The following DDX20 variants were observed in gnomAD, a reference collection of about 807,000 sequenced individuals.
DDX20 encodes the protein probable ATP-dependent RNA helicase DDX20.
In DDX20, 61 loss-of-function variants were observed where a neutral mutation model predicts 76.4. That is an observed-to-expected ratio of 0.80 (90% confidence interval 0.65 to 0.99). The LOEUF (loss-of-function observed/expected upper bound fraction) is 0.99, where lower values mean the gene tolerates loss of function less well. Among genes scored for constraint, DDX20 ranks in the 50% least tolerant of loss-of-function variants. DDX20 has a pLI of 0.00. For synonymous variants in DDX20, 357 were observed against 357.4 expected, an observed-to-expected ratio of 1.00 and a Z score of 0.01; for missense variants, 976 against 996.8, an observed-to-expected ratio of 0.98 and a Z score of 0.28.
chr1:111,766,061 TGAA>T lies in DDX20; in HGVS notation c.1641_1643del (p.Lys547del). The T allele has an allele frequency of 6.2e-7, 1 of 1,614,090 alleles. No individual in the cohort carries two copies. Among genetic ancestry groups the T allele is most frequent in the Non-Finnish European group, 8.5e-7 (1 of 1,180,014 alleles). On this transcript the variant is annotated inframe_deletion, in exon 11 of 11. Transcript: ENST00000369702. The stretch of plus-strand genomic sequence containing the variant: ...TGTGACAGGCAATCCGAAGAGCAAA[TGAA>T]GAATTCTGTTCAGACTCCCGTTGAA...
chr1:111,762,592 A>G (rs2101421866), intron 8 of DDX20, 85 bp from the exon 9 acceptor site: 1 of 1,196,100 alleles, frequency 8.4e-7, no homozygotes, highest in Middle Eastern at 1.9e-4. Flanking sequence ...TTGTCTCTTG[A>G]CTGTACTGGA....
At chr1:111,759,750 G>A (rs201026120) in intron 3 of DDX20, among the ~76,000 whole-genome samples, 182 bp downstream of exon 3, 5 of 151,968 alleles carry the variant, frequency 3.3e-5, no homozygotes, top group East Asian at 1.9e-4. Context: ...CGAGGCGGGC[G>A]GATCACGAGG....
In DDX20 at chr1:111,761,105, C is replaced by T; in HGVS notation, c.942C>T (p.Val314=). 1 of 1,613,448 alleles carries T rather than the reference C, an allele frequency of 6.2e-7. No individual in the cohort carries two copies. Among genetic ancestry groups the T allele is most frequent in the South Asian group, 1.1e-5 (1 of 90,874 alleles). ...GAATTCCATTTAATCAAGCTTTAGT[C>T]TTTTCTAATTTGCACAGCAGGTAAT... The part of the protein sequence containing the change: ...FSRIPFNQAL[V]FSNLHSRAQH... The change falls in exon 6 of 11, where the codon GTC becomes GTT. Residue 314 remains valine, a synonymous_variant. Transcript: ENST00000369702.
Position 111,756,191 on chromosome 1 carries a change from G to C in DDX20, c.267G>C (p.Gln89His), listed in dbSNP as rs756081950. The change falls in exon 1 of 11, where the codon CAG (glutamine) becomes CAC (histidine). Residue 89 changes from glutamine (Q) to histidine (H), a missense_variant. Gln to His is a conservative substitution (Grantham distance 24). Around this residue, in one of 3 missense-constraint regions of DDX20, gnomAD observed 343 missense variants for 286.4 expected, o/e 1.20. Transcript: ENST00000369702. ...GCTTCGAGAGGCCCTCGCCGGTGCAGCTCAAGGCCATCCCGTTGGGGCGCT... is the reference window on the plus strand; with the variant it reads ...GCTTCGAGAGGCCCTCGCCGGTGCACCTCAAGGCCATCCCGTTGGGGCGCT... Reference protein sequence around the residue: ...AAGFERPSPVQLKAIPLGRCG... With the variant: ...AAGFERPSPVHLKAIPLGRCG... 7 of 1,503,074 alleles carry C rather than the reference G, an allele frequency of 4.7e-6. No homozygotes were observed. In the Admixed American group the frequency reaches 1.4e-4, roughly 31 times the overall value. The allele number at this position is 1,503,074 out of a possible 1,614,324, so 93.1% of individuals were successfully genotyped here. A position where few individuals can be genotyped will look rare whatever the true frequency, so the allele number is the denominator to read the frequency against.
In DDX20 at chr1:111,760,770, T is replaced by C. The variant is rs770465132; in HGVS notation, c.745T>C (p.Phe249Leu). The C allele has an allele frequency of 3.7e-6, 6 of 1,613,798 alleles. No individual in the cohort carries two copies. The South Asian group carries it at 6.6e-5, about 18-fold the overall frequency. The change falls in exon 5 of 11, where the codon TTT becomes CTT. Residue 249 changes from phenylalanine (F) to leucine (L), a missense_variant. Transcript: ENST00000369702. ...MLAVSATYPEFLANALTKYMR... is the reference protein window; with the variant it reads ...MLAVSATYPELLANALTKYMR... ...GGCAGTATCAGCTACTTATCCCGAA[T>C]TTTTGGCTAATGCTTTGACAAAGTA... is the stretch of plus-strand genomic sequence containing the variant.
intron 3 of DDX20, among the ~76,000 whole-genome samples, chr1:111,760,213 A>T (rs1035959331): frequency 2.0e-5 from 3 of 152,172 alleles, no homozygotes; most frequent in African/African-American, 7.2e-5. Flanking sequence ...CAGAATCAGC[A>T]TCTTGCATTC....
chr1:111,756,814 C>A, intron 2 of DDX20, 74 bp downstream of exon 2: 1 of 1,220,578 alleles, frequency 8.2e-7, no homozygotes, highest in Middle Eastern at 1.9e-4. Flanking sequence ...ATACCAGTAG[C>A]TCCTCAGAGC....
chr1:111,763,319 C>T (rs1211355168), intron 10 of DDX20, among the ~76,000 whole-genome samples: 2 of 152,140 alleles, frequency 1.3e-5, no homozygotes, highest in East Asian at 3.8e-4. Flanking sequence ...CGCCTGTAAT[C>T]CCAGCACTTT....
chr1:111,761,152 G>A, intron 6 of DDX20, 27 bp downstream of exon 6: 1 of 1,611,672 alleles, frequency 6.2e-7, no homozygotes, highest in South Asian at 1.1e-5. Context: ...GGTCATCTGG[G>A]GAACTTGTGA....
rs1663655336 is a variant in DDX20, at chr1:111,760,689, CTG to C, written c.681-15_681-14del. ...ATTGTTTGAATAATTTACATGGTAT[CTG>C]TTTTTATTTTGCAGTTGGATTTATT... On this transcript the variant is annotated splice_polypyrimidine_tract_variant and intron_variant, in intron 4 of 10. Transcript: ENST00000369702. 1.2e-6 allele frequency: 2 copies of C among 1,606,736 alleles called. No homozygotes were observed. Among genetic ancestry groups the C allele is most frequent in the African/African-American group, 2.7e-5 (2 of 74,372 alleles).
In DDX20 at chr1:111,760,274, C is replaced by T. The variant is rs140538044; in HGVS notation, c.566-200C>T. The T allele has an allele frequency of 1.2e-3, 552 of 453,588 alleles. 1 individual carries two copies. The highest frequency in any genetic ancestry group is 9.2e-3 in the African/African-American group (450 of 48,978). The allele number at this position is 453,588 out of a possible 1,614,324, so 28.1% of individuals were successfully genotyped here. A position where few individuals can be genotyped will look rare whatever the true frequency, so the allele number is the denominator to read the frequency against. ...TGGTGTTTATTTACTGGTGATGAAA[C>T]GTGAGGGGAAAACAATGAGTTTAGT... On this transcript the variant is annotated intron_variant, in intron 3 of 10. Coordinates refer to ENST00000369702, the MANE Select transcript of DDX20 (RefSeq NM_007204.5).
chr1:111,756,589 G>A, intron 1 of DDX20, 57 bp from the exon 2 acceptor site: 1 of 1,432,298 alleles, frequency 7.0e-7, no homozygotes, highest in Non-Finnish European at 9.8e-7. Context: ...TTCCATGTTA[G>A]CCCCTAAGTT....
intron 3 of DDX20, among the ~76,000 whole-genome samples, chr1:111,759,985 A>AAT (rs1440008697): frequency 6.7e-6 from 1 of 150,110 alleles, no homozygotes; most frequent in African/African-American, 2.5e-5. Context: ...AAAAAAAAAA[A>AAT]AAAAAAAAAA....
intron 10 of DDX20, among the ~76,000 whole-genome samples, chr1:111,764,931 T>C (rs1195074190): frequency 6.6e-6 from 1 of 152,232 alleles, no homozygotes; most frequent in African/African-American, 2.4e-5. Context: ...TCATAGAATC[T>C]GTTCAGCAAA....
chr1:111,757,300 C>G (rs1181846331), intron 2 of DDX20, among the ~76,000 whole-genome samples: 2 of 152,170 alleles, frequency 1.3e-5, no homozygotes, highest in Non-Finnish European at 2.9e-5. Flanking sequence ...ATCCTCCCAC[C>G]TTTGCCTCCC....
In DDX20 at chr1:111,758,373, TA is replaced by T. The variant is rs1183348225; in HGVS notation, c.397-1024del. ...CTAGTCCTTTTTTTTTTTTTTTTTT[TA>T]AATCAATTTTTTTTTCTTGTAGTTA... On this transcript the variant is annotated intron_variant, in intron 2 of 10. Coordinates refer to ENST00000369702, the MANE Select transcript of DDX20 (RefSeq NM_007204.5). 2.3e-4 allele frequency among the ~76,000 whole-genome samples: 30 copies of T among 130,810 alleles called. No individual in the cohort carries two copies. The East Asian group carries it at 3.6e-3, about 16-fold the overall frequency. 85.8% of individuals were successfully genotyped at this position (130,810 alleles called of 152,430 possible).
chr1:111,757,620 G>A (rs1385483098), intron 2 of DDX20, among the ~76,000 whole-genome samples: 2 of 152,130 alleles, frequency 1.3e-5, no homozygotes, highest in Non-Finnish European at 2.9e-5. Context: ...TCAGGCATTG[G>A]TATATCTGAT....
chr1:111,761,736 G>T (rs1022284737), intron 7 of DDX20: 1 of 154,850 alleles, frequency 6.5e-6, no homozygotes, highest in East Asian at 1.9e-4. Flanking sequence ...ATTACTGCTG[G>T]CATAATAAGA....
In DDX20 at chr1:111,761,217, A is replaced by G. The variant is rs748764511; in HGVS notation, c.963-9A>G. 1 of 1,612,998 alleles carries G rather than the reference A, an allele frequency of 6.2e-7. No homozygotes were observed. On this transcript the variant is annotated splice_polypyrimidine_tract_variant and intron_variant, in intron 6 of 10. Transcript: ENST00000369702. ...GTAAATTTGTAACCATTTATGTTAT[A>G]TTTCATAGAGCACAACATTTGGCTG... is the stretch of plus-strand genomic sequence containing the variant.
Sources: allele counts gnomAD v4.1 joint callset (sites outside exome capture counted in the v4.1 genomes callset), GRCh38; gene constraint gnomAD v4.1.1; regional missense constraint gnomAD v4.1.1; transcripts MANE v1.5; gene names NCBI Gene and HGNC (gene_info 2026-07-23, HGNC 2026-07-21).